PRKN: variants seen among roughly 807,000 people sequenced by gnomAD.
PRKN encodes parkin RBR E3 ubiquitin protein ligase.
PRKN carries 56 observed loss-of-function variants against 59.5 expected under a neutral mutation model. That is an observed-to-expected ratio of 0.94 (90% CI 0.76 to 1.18). The LOEUF is 1.18. Among genes scored for constraint, PRKN ranks in the 50% most tolerant of loss-of-function variants. The probability of loss-of-function intolerance (pLI) is 0.00; values close to 1 mark genes in which losing one functional copy is unlikely to be tolerated. For synonymous variants in PRKN, 250 were observed against 222.1 expected (o/e 1.13, Z -1.12); for missense variants, 657 against 596.4 (o/e 1.10, Z -1.06).
intron 1 of PRKN, among the ~76,000 whole-genome samples, chr6:162,529,232 GA>G (rs961626976): frequency 1.3e-5 from 2 of 151,070 alleles, no homozygotes; most frequent in Non-Finnish European, 3.0e-5. Flanking sequence ...AACTTGATGG[GA>G]AAAAAATTAG....
intron 10 of PRKN, among the ~76,000 whole-genome samples, chr6:161,375,018 T>A (rs1785632685): frequency 6.6e-6 from 1 of 152,064 alleles, no homozygotes. Flanking sequence ...GAGGCTGCAC[T>A]GTGGCCGTGC....
chr6:161,856,361 A>AAAATAAAG (rs76955526), intron 6 of PRKN, among the ~76,000 whole-genome samples: 3 of 149,352 alleles, frequency 2.0e-5, no homozygotes, highest in East Asian at 4.0e-4. Context: ...ATGCCATCTC[A>AAAATAAAG]AAATAAATAA....
intron 6 of PRKN, among the ~76,000 whole-genome samples, chr6:161,803,254 C>T (rs374396440): frequency 6.6e-6 from 1 of 152,194 alleles, no homozygotes; most frequent in African/African-American, 2.4e-5. Flanking sequence ...AATGAGGGCT[C>T]CTGTGTCACA....
chr6:162,617,012 A>G lies in PRKN; in HGVS notation c.7+110650T>C, dbSNP rs370648533. On this transcript the variant is annotated intron_variant, in intron 1 of 11. Transcript: ENST00000366898. ...TAAGAATGATTTCTTAAAAATTATT[A>G]TTTAATGTCATGGCATTTTAAGTTA... Among the ~76,000 whole-genome samples the G allele has an allele frequency of 6.7e-4, 102 of 152,270 alleles. No individual in the cohort carries two copies. The East Asian group carries it at 9.9e-3, about 15-fold the overall frequency.
chr6:162,611,829 G>T (rs1427017054), intron 1 of PRKN, among the ~76,000 whole-genome samples: 1 of 152,088 alleles, frequency 6.6e-6, no homozygotes, highest in Non-Finnish European at 1.5e-5. Flanking sequence ...TAAATGTGCA[G>T]AAAAAGATAC....
At chr6:161,618,188 G>A (rs1278131507) in intron 7 of PRKN, among the ~76,000 whole-genome samples, 14 of 152,212 alleles carry the variant, frequency 9.2e-5, no homozygotes, top group Admixed American at 7.9e-4. Context: ...AGTGTTTGGT[G>A]TGGAACTTTA....
rs756595206 is a variant in PRKN at position 162,443,364 on chromosome 6, G to C, written c.117C>G (p.Asp39Glu). Residue 39 changes from aspartate to glutamate, a missense_variant, in exon 2 of 12, where the codon GAC (aspartate) becomes GAG (glutamate). Coordinates refer to ENST00000366898, the MANE Select transcript of PRKN (RefSeq NM_004562.3). Reference protein sequence around the residue: ...VVAKRQGVPADQLRVIFAGKE... With the variant: ...VVAKRQGVPAEQLRVIFAGKE... ...TCCCTGCGAAAATCACACGCAACTGGTCAGCCGGAACCCCCTGTCGCTTAG... is the reference window on the plus strand; with the variant it reads ...TCCCTGCGAAAATCACACGCAACTGCTCAGCCGGAACCCCCTGTCGCTTAG... The C allele has an allele frequency of 4.3e-6, 7 of 1,613,444 alleles. No homozygotes were observed. The South Asian group carries it at 7.7e-5, about 18-fold the overall frequency.
intron 1 of PRKN, among the ~76,000 whole-genome samples, chr6:162,504,316 A>G (rs1406355997): frequency 6.6e-6 from 1 of 152,232 alleles, no homozygotes; most frequent in African/African-American, 2.4e-5. Context: ...GAATCTGTGC[A>G]TAAGCCATGA....
At chr6:162,149,775 TGCA>T (rs1782185781) in intron 4 of PRKN, among the ~76,000 whole-genome samples, 1 of 152,160 alleles carries the variant, frequency 6.6e-6, no homozygotes, top group African/African-American at 2.4e-5. Flanking sequence ...GGTGAGGGAC[TGCA>T]GCCGTCAGTG....
intron 1 of PRKN, among the ~76,000 whole-genome samples, chr6:162,580,630 T>C (rs979225074): frequency 3.3e-5 from 5 of 152,064 alleles, no homozygotes; most frequent in Middle Eastern, 3.4e-3. Flanking sequence ...AGAAAATATT[T>C]TATGAAATTC....
At chr6:161,951,890 C>G (rs1376586881) in intron 6 of PRKN, among the ~76,000 whole-genome samples, 2 of 150,456 alleles carry the variant, frequency 1.3e-5, no homozygotes, top group Non-Finnish European at 2.9e-5. Context: ...CCACTGCCAG[C>G]CTGGGCAACA....
chr6:162,501,821 A>G (rs1377657776), intron 1 of PRKN, among the ~76,000 whole-genome samples: 3 of 152,110 alleles, frequency 2.0e-5, no homozygotes, highest in Non-Finnish European at 4.4e-5. Context: ...ACCCTTGAAG[A>G]TAAGAAACAA....
At chr6:162,541,099 T>C (rs746574575) in intron 1 of PRKN, among the ~76,000 whole-genome samples, 30 of 152,148 alleles carry the variant, frequency 2.0e-4, no homozygotes, top group South Asian at 4.1e-4. Flanking sequence ...GATTCTTCCT[T>C]AGGGTTTTCA....
At chr6:161,606,100 T>C (rs887388596) in intron 7 of PRKN, among the ~76,000 whole-genome samples, 1 of 152,160 alleles carries the variant, frequency 6.6e-6, no homozygotes, top group African/African-American at 2.4e-5. Context: ...GAGACTGTTT[T>C]TCTATCCCAA....
intron 1 of PRKN, among the ~76,000 whole-genome samples, chr6:162,446,378 T>G (rs1213573267): frequency 6.6e-6 from 1 of 152,192 alleles, no homozygotes; most frequent in Non-Finnish European, 1.5e-5. Flanking sequence ...CAGGAGATCC[T>G]AAGTTTATGA....
At chr6:162,215,166 T>C (rs1228607992) in intron 3 of PRKN, among the ~76,000 whole-genome samples, 2 of 152,190 alleles carry the variant, frequency 1.3e-5, no homozygotes, top group Non-Finnish European at 2.9e-5. Context: ...AGCTACATTC[T>C]ATCTCACAAT....
chr6:161,590,497 C>T (rs905781389), intron 7 of PRKN, among the ~76,000 whole-genome samples: 1 of 152,150 alleles, frequency 6.6e-6, no homozygotes, highest in Non-Finnish European at 1.5e-5. Flanking sequence ...CTTTGGGAGG[C>T]TGAGGCGGGC....
intron 4 of PRKN, among the ~76,000 whole-genome samples, chr6:162,193,299 C>T (rs1195207078): frequency 1.3e-5 from 2 of 152,172 alleles, no homozygotes; most frequent in African/African-American, 2.4e-5. Context: ...AGAGTAACAA[C>T]GAATTGGCTA....
intron 3 of PRKN, among the ~76,000 whole-genome samples, chr6:162,254,469 A>G (rs1392623546): frequency 4.6e-5 from 7 of 151,822 alleles, no homozygotes; most frequent in Non-Finnish European, 1.0e-4. Context: ...AAAAAAAAAA[A>G]AGGAAATATC....
Sources: gnomAD v4.1 joint callset for allele counts (sites outside exome capture counted in the v4.1 genomes callset) on GRCh38, gnomAD v4.1.1 for gene constraint, MANE v1.5 for transcripts, NCBI Gene and HGNC (gene_info 2026-07-23, HGNC 2026-07-21) for gene names.